The following MYO3A variants were observed in gnomAD, a reference collection of about 807,000 sequenced individuals.
MYO3A encodes myosin IIIA.
In MYO3A, 180 loss-of-function variants were observed where a neutral mutation model predicts 192.7. The ratio of observed to expected loss-of-function variants is 0.93; its 90% CI spans 0.83 to 1.06. The LOEUF (loss-of-function observed/expected upper bound fraction) is 1.06, where lower values mean the gene tolerates loss of function less well. Among genes scored for constraint, MYO3A ranks in the 50% least tolerant of loss-of-function variants. The pLI, the probability that MYO3A is intolerant of heterozygous loss-of-function variation, is 0.00. For synonymous variants in MYO3A, 628 were observed against 645.3 expected (o/e 0.97, Z 0.41); for missense variants, 1,896 against 1,905.0 (o/e 1.00, Z 0.09).
At chr10:26,016,266 G>T (rs183532366) in intron 6 of MYO3A, among the ~76,000 whole-genome samples, 79 of 152,304 alleles carry the variant, frequency 5.2e-4, no homozygotes, top group African/African-American at 1.9e-3. Context: ...TGTTAATGAT[G>T]TTGGTTTAAA....
chr10:26,153,500 T>C (rs1237431108), intron 23 of MYO3A, among the ~76,000 whole-genome samples: 1 of 152,216 alleles, frequency 6.6e-6, no homozygotes, highest in African/African-American at 2.4e-5. Context: ...TTGTAAAGCT[T>C]AGCCTGTGTT....
chr10:25,962,335 A>G lies in MYO3A; in HGVS notation c.303+7327A>G, dbSNP rs1380602111. Among the ~76,000 whole-genome samples, 3 of 152,274 alleles carry G rather than the reference A, an allele frequency of 2.0e-5. No individual in the cohort carries two copies. In the East Asian group the frequency reaches 5.8e-4, roughly 29 times the overall value. On this transcript the variant is annotated intron_variant, in intron 4 of 34. Coordinates refer to ENST00000642920, the MANE Select transcript of MYO3A (RefSeq NM_017433.5). ...AGTTATTTTCATCTTAATTCTCTGC[A>G]TGTTTATTTTGAGAATCTAAATGGT...
intron 7 of MYO3A, among the ~76,000 whole-genome samples, chr10:26,018,931 T>G (rs1255222113): frequency 1.3e-5 from 2 of 152,188 alleles, no homozygotes; most frequent in Non-Finnish European, 2.9e-5. Context: ...AAAGTTATAT[T>G]AGACAACAGA....
rs146493353 is a variant in MYO3A, at chr10:25,975,759, G to A, written c.304-20731G>A. On this transcript the variant is annotated intron_variant, in intron 4 of 34. Transcript: ENST00000642920. ...TTATTTCAGGAGTGAGTGCAAGTTC[G>A]TTAAAACATTAAAATGCATTTGTTA... is the stretch of plus-strand genomic sequence containing the variant. Among the ~76,000 whole-genome samples the A allele has an allele frequency of 3.0e-3, 459 of 152,182 alleles. 3 individuals are homozygous for A. Among genetic ancestry groups the A allele is most frequent in the African/African-American group, 0.01 (434 of 41,514 alleles).
intron 26 of MYO3A, among the ~76,000 whole-genome samples, chr10:26,159,627 C>G (rs1841379574): frequency 1.3e-5 from 2 of 152,128 alleles, no homozygotes; most frequent in African/African-American, 4.8e-5. Context: ...GATCCGCCAG[C>G]CTCGGCCTCC....
intron 18 of MYO3A, 71 bp from the exon 19 acceptor site, chr10:26,125,327 G>A: frequency 7.3e-7 from 1 of 1,377,992 alleles, no homozygotes. Context: ...GGCAGATTAA[G>A]ACATTTTCAT....
At chr10:26,078,856 C>G (rs1835755923) in intron 14 of MYO3A, among the ~76,000 whole-genome samples, 1 of 151,936 alleles carries the variant, frequency 6.6e-6, no homozygotes, top group Admixed American at 6.6e-5. Flanking sequence ...TTTATTCCTT[C>G]TGGTCTGAGA....
intron 10 of MYO3A, among the ~76,000 whole-genome samples, chr10:26,032,312 A>C (rs1463405617): frequency 6.6e-6 from 1 of 152,172 alleles, no homozygotes; most frequent in East Asian, 1.9e-4. Flanking sequence ...AAAATTGACC[A>C]TCCAATCAGT....
At chr10:26,125,047 T>C (rs1442474734) in intron 18 of MYO3A, among the ~76,000 whole-genome samples, 9 of 152,194 alleles carry the variant, frequency 5.9e-5, no homozygotes, top group Non-Finnish European at 1.0e-4. Flanking sequence ...ATCCAAATTA[T>C]GCCAAATCTA....
chr10:26,092,378 A>C (rs1836753456), intron 15 of MYO3A, among the ~76,000 whole-genome samples: 1 of 151,988 alleles, frequency 6.6e-6, no homozygotes, highest in Non-Finnish European at 1.5e-5. Flanking sequence ...AGGCAGGAGA[A>C]TGGCATGAAC....
At chr10:26,098,389 T>A (rs1430289403) in intron 17 of MYO3A, among the ~76,000 whole-genome samples, 1 of 152,254 alleles carries the variant, frequency 6.6e-6, no homozygotes, top group African/African-American at 2.4e-5. Flanking sequence ...GGTGTTTCTT[T>A]TGCTGTGCAG....
At chr10:26,084,568 T>A (rs1473036789) in intron 14 of MYO3A, among the ~76,000 whole-genome samples, 1 of 152,166 alleles carries the variant, frequency 6.6e-6, no homozygotes, top group Non-Finnish European at 1.5e-5. Flanking sequence ...AGTGGCATAA[T>A]CACAGCTCAC....
chr10:26,200,088 GA>G (rs1843614768), intron 32 of MYO3A, among the ~76,000 whole-genome samples: 1 of 152,152 alleles, frequency 6.6e-6, no homozygotes, highest in East Asian at 1.9e-4. Flanking sequence ...GGGAGAACAG[GA>G]ATGTAATTGA....
intron 19 of MYO3A, among the ~76,000 whole-genome samples, chr10:26,127,057 C>T (rs1839259692): frequency 6.6e-6 from 1 of 152,142 alleles, no homozygotes; most frequent in African/African-American, 2.4e-5. Context: ...CCCTCCTCAA[C>T]TGTTAAATAG....
chr10:26,155,012 A>G (rs1841030112), intron 25 of MYO3A, among the ~76,000 whole-genome samples, 189 bp downstream of exon 25: 2 of 152,196 alleles, frequency 1.3e-5, no homozygotes, highest in African/African-American at 4.8e-5. Context: ...TCTACCTGTG[A>G]AATTATTGTA....
At chr10:26,130,466 ATTC>A (rs1409870694) in intron 20 of MYO3A, among the ~76,000 whole-genome samples, 1 of 152,174 alleles carries the variant, frequency 6.6e-6, no homozygotes, top group Admixed American at 6.5e-5. Context: ...AATGCTCTTA[ATTC>A]TTTTGTCTAA....
At chr10:26,062,515 C>CAAAAAAAAAAAAAAAAAAA (rs573334201) in intron 10 of MYO3A, among the ~76,000 whole-genome samples, 5 of 42,238 alleles carry the variant, frequency 1.2e-4, no homozygotes, top group South Asian at 1.3e-3. Context: ...GATGCCATCT[C>CAAAAAAAAAAAAAAAAAAA]AAAAAAAAAA....
At chr10:26,010,465 T>TGTTTG (rs1554802920) in intron 6 of MYO3A, among the ~76,000 whole-genome samples, 213 of 150,110 alleles carry the variant, frequency 1.4e-3, no homozygotes, top group African/African-American at 5.1e-3. Context: ...TTTTTTTTTT[T>TGTTTG]TTTTTTGTTT....
At chr10:26,046,652 C>T (rs2131259321) in intron 10 of MYO3A, among the ~76,000 whole-genome samples, 1 of 152,238 alleles carries the variant, frequency 6.6e-6, no homozygotes, top group Non-Finnish European at 1.5e-5. Flanking sequence ...AATAGAGAAC[C>T]CAGTAGAGTT....
Sources: gnomAD v4.1 joint callset for allele counts (sites outside exome capture counted in the v4.1 genomes callset) on GRCh38, gnomAD v4.1.1 for gene constraint, MANE v1.5 for transcripts, NCBI Gene and HGNC (gene_info 2026-07-23, HGNC 2026-07-21) for gene names.